The following SMARCC1 variants were observed in gnomAD, a reference collection of about 807,000 sequenced individuals.
SMARCC1 encodes SWI/SNF complex subunit SMARCC1.
A neutral mutation model predicts 147.4 loss-of-function variants in SMARCC1; 43 were observed. The observed-to-expected ratio is 0.29, with a 90% CI of 0.23 to 0.38. SMARCC1 has a LOEUF of 0.38. SMARCC1 is among the 10% of genes least tolerant of loss of function. The pLI is 1.00. For synonymous variants in SMARCC1, 495 were observed against 484.4 expected, an observed-to-expected ratio of 1.02 and a Z score of -0.29; for missense variants, 1,119 against 1,381.1, an observed-to-expected ratio of 0.81 and a Z score of 3.01.
intron 2 of SMARCC1, among the ~76,000 whole-genome samples, chr3:47,748,722 G>A (rs1197316560): frequency 6.6e-6 from 1 of 152,138 alleles, no homozygotes; most frequent in East Asian, 1.9e-4. Flanking sequence ...ATAAGATGAA[G>A]TGTTATTAGA....
chr3:47,748,027 G>A (rs886331682), intron 2 of SMARCC1, among the ~76,000 whole-genome samples: 7 of 151,838 alleles, frequency 4.6e-5, no homozygotes, highest in South Asian at 2.1e-4. Context: ...GCATGGTGGC[G>A]GGCGCATGTA....
intron 26 of SMARCC1, among the ~76,000 whole-genome samples, chr3:47,609,078 G>A (rs2032525042): frequency 6.6e-6 from 1 of 152,090 alleles, no homozygotes; most frequent in Non-Finnish European, 1.5e-5. Context: ...TAAGAGACAT[G>A]TCAACAAATG....
At chr3:47,642,538 C>T (rs979401821) in intron 21 of SMARCC1, among the ~76,000 whole-genome samples, 18 of 151,690 alleles carry the variant, frequency 1.2e-4, no homozygotes, top group African/African-American at 4.1e-4. Context: ...TGCAGTGAGC[C>T]GAGATTGCGC....
intron 7 of SMARCC1, among the ~76,000 whole-genome samples, chr3:47,719,464 G>T (rs1350853764): frequency 6.6e-6 from 1 of 152,006 alleles, no homozygotes; most frequent in Non-Finnish European, 1.5e-5. Context: ...ACTTTGAGAA[G>T]CCAAGGTGGG....
At chr3:47,633,653 A>G (rs915186368) in intron 24 of SMARCC1, among the ~76,000 whole-genome samples, 3 of 149,404 alleles carry the variant, frequency 2.0e-5, no homozygotes, top group African/African-American at 7.4e-5. Flanking sequence ...CTGAGACAGG[A>G]GAATCGCTGG....
intron 23 of SMARCC1, 128 bp downstream of exon 23, chr3:47,635,894 A>C: frequency 1.7e-6 from 1 of 595,078 alleles, no homozygotes; most frequent in Admixed American, 3.3e-5. Flanking sequence ...ACTCAATTAC[A>C]TACTTATTGT....
chr3:47,688,476 A>G (rs1046111538), intron 13 of SMARCC1, among the ~76,000 whole-genome samples: 3 of 152,172 alleles, frequency 2.0e-5, no homozygotes, highest in African/African-American at 7.2e-5. Flanking sequence ...AAAAAAATCT[A>G]TATTCAGCAA....
At chr3:47,753,233 G>A (rs2034647425) in intron 2 of SMARCC1, among the ~76,000 whole-genome samples, 1 of 150,652 alleles carries the variant, frequency 6.6e-6, no homozygotes, top group Non-Finnish European at 1.5e-5. Context: ...GATGAGACAG[G>A]AGAATCACTT....
chr3:47,622,528 T>A (rs1246969630), intron 24 of SMARCC1, among the ~76,000 whole-genome samples, 187 bp from the exon 25 acceptor site: 2 of 152,172 alleles, frequency 1.3e-5, no homozygotes, highest in Non-Finnish European at 2.9e-5. Context: ...AATCAACCCT[T>A]AAAAGATTAA....
chr3:47,720,679 A>G lies in SMARCC1; in HGVS notation c.703T>C (p.Phe235Leu). The change falls in exon 7 of 28, where the codon TTT (phenylalanine) becomes CTT (leucine). Residue 235 changes from phenylalanine to leucine, a missense_variant. By Grantham distance (22) the Phe-to-Leu change is conservative. Transcript: ENST00000254480. ...KEKQVLVHWG[F>L]YPDSYDTWVH... The stretch of plus-strand genomic sequence containing the variant: ...TATGAACATTACCTGTCTGGGTAAA[A>G]GCCCCAATGCACTAACACTTGCTTC... The G allele has an allele frequency of 6.2e-7, 1 of 1,609,908 alleles. No individual in the cohort carries two copies. The highest frequency in any genetic ancestry group is 8.5e-7 in the Non-Finnish European group (1 of 1,176,516).
At chr3:47,742,573 A>G (rs2034520532) in intron 3 of SMARCC1, among the ~76,000 whole-genome samples, 1 of 152,156 alleles carries the variant, frequency 6.6e-6, no homozygotes, top group South Asian at 2.1e-4. Context: ...CAAACTTAAC[A>G]TTTCAATTCT....
intron 5 of SMARCC1, among the ~76,000 whole-genome samples, chr3:47,729,431 AT>A (rs1190219484): frequency 5.9e-5 from 9 of 152,074 alleles, no homozygotes; most frequent in Admixed American, 3.3e-4. Flanking sequence ...CACCCAGGCT[AT>A]AGTGTGGCAG....
chr3:47,718,226 C>T (rs1402454893), intron 7 of SMARCC1, among the ~76,000 whole-genome samples: 1 of 151,256 alleles, frequency 6.6e-6, no homozygotes, highest in African/African-American at 2.4e-5. Context: ...GGGTGGATCA[C>T]CTGAGGTCAG....
intron 24 of SMARCC1, among the ~76,000 whole-genome samples, chr3:47,624,884 T>C (rs1449255453): frequency 1.6e-5 from 2 of 128,208 alleles, no homozygotes; most frequent in Non-Finnish European, 1.6e-5. Context: ...ACCCTGTCTG[T>C]ACTAAAAATT....
At chr3:47,624,397 C>T (rs1175368217) in intron 24 of SMARCC1, among the ~76,000 whole-genome samples, 1 of 152,062 alleles carries the variant, frequency 6.6e-6, no homozygotes, top group African/African-American at 2.4e-5. Context: ...CATAGAAAAT[C>T]CTACAAGCTT....
chr3:47,709,643 G>A (rs902732419), intron 9 of SMARCC1, among the ~76,000 whole-genome samples: 3 of 151,130 alleles, frequency 2.0e-5, no homozygotes, highest in South Asian at 2.1e-4. Context: ...CCGAGATCGC[G>A]CCACTGCATT....
rs1470082885 is a variant in SMARCC1 at position 47,745,957 on chromosome 3, A to G, written c.352T>C (p.Leu118=). Residue 118 remains leucine, a synonymous_variant, in exon 3 of 28, where the codon TTA becomes CTA. Transcript: ENST00000254480. ...CFMDFKAGGA[L]CHILGAAYKY... Reference sequence around the variant, plus strand: ...TAAGCAGCCCCAAGAATGTGACATAAGGCGCCTCCAGCTTTGAAATCCATG... The same window carrying G: ...TAAGCAGCCCCAAGAATGTGACATAGGGCGCCTCCAGCTTTGAAATCCATG... 1.9e-6 allele frequency: 3 copies of G among 1,588,360 alleles called. No homozygotes were observed. Among genetic ancestry groups the G allele is most frequent in the South Asian group, 2.4e-5 (2 of 84,706 alleles).
chr3:47,651,324 G>A (rs1425749097), intron 21 of SMARCC1, among the ~76,000 whole-genome samples: 3 of 152,152 alleles, frequency 2.0e-5, no homozygotes, highest in Non-Finnish European at 4.4e-5. Flanking sequence ...GTCAGACTCT[G>A]ACACTCTTTT....
chr3:47,768,986 G>A (rs1311206692), intron 2 of SMARCC1, among the ~76,000 whole-genome samples: 1 of 152,076 alleles, frequency 6.6e-6, no homozygotes, highest in African/African-American at 2.4e-5. Context: ...GAGGTGGGCA[G>A]ATCACCTGAG....
Sources: gnomAD v4.1 joint callset for allele counts (sites outside exome capture counted in the v4.1 genomes callset) on GRCh38, gnomAD v4.1.1 for gene constraint, MANE v1.5 for transcripts, NCBI Gene and HGNC (gene_info 2026-07-23, HGNC 2026-07-21) for gene names.